The following GRIK2 variants were observed in gnomAD, a reference collection of about 807,000 sequenced individuals.
GRIK2 encodes the protein glutamate receptor ionotropic, kainate 2.
Under a neutral mutation model 100.3 loss-of-function variants are expected in GRIK2, and 32 were observed. That is an observed-to-expected ratio of 0.32 (90% CI 0.24 to 0.43). The LOEUF is 0.43. GRIK2 is among the 20% of genes least tolerant of loss of function. The pLI is 1.00. For missense variants in GRIK2, 843 were observed against 1,114.9 expected (o/e 0.76, Z 3.47); for synonymous variants, 417 against 389.4 (o/e 1.07, Z -0.83).
intron 7 of GRIK2, among the ~76,000 whole-genome samples, chr6:101,788,673 A>G (rs970626705): frequency 3.8e-4 from 58 of 152,242 alleles, no homozygotes; most frequent in Admixed American, 9.8e-4. Flanking sequence ...ATAAACATAC[A>G]TGTGCATGTG....
intron 7 of GRIK2, among the ~76,000 whole-genome samples, chr6:101,766,297 A>G (rs1044411615): frequency 1.3e-5 from 2 of 152,094 alleles, no homozygotes; most frequent in African/African-American, 4.8e-5. Context: ...AAAGTGAAGT[A>G]GCTATATTAT....
intron 4 of GRIK2, among the ~76,000 whole-genome samples, chr6:101,639,054 T>TTG (rs1249959771): frequency 2.0e-5 from 3 of 151,854 alleles, no homozygotes; most frequent in African/African-American, 7.3e-5. Flanking sequence ...GTTTTTCTTG[T>TTG]TGTTAAGAGG....
At chr6:101,430,058 C>G (rs1245399110) in intron 2 of GRIK2, among the ~76,000 whole-genome samples, 1 of 152,166 alleles carries the variant, frequency 6.6e-6, no homozygotes, top group African/African-American at 2.4e-5. Flanking sequence ...ACACTGAGCT[C>G]TGACACATTA....
intron 14 of GRIK2, among the ~76,000 whole-genome samples, chr6:101,955,136 TA>T (rs1164357569): frequency 6.6e-6 from 1 of 152,204 alleles, no homozygotes; most frequent in African/African-American, 2.4e-5. Context: ...TCTATATTCA[TA>T]AGATATATTG....
intron 7 of GRIK2, among the ~76,000 whole-genome samples, chr6:101,687,787 TG>T (rs928514957): frequency 2.6e-5 from 4 of 151,798 alleles, no homozygotes; most frequent in African/African-American, 9.7e-5. Flanking sequence ...AAGAGATAGT[TG>T]AACAGTTCTA....
intron 7 of GRIK2, among the ~76,000 whole-genome samples, chr6:101,703,265 A>G (rs1049876851): frequency 2.6e-5 from 4 of 151,888 alleles, no homozygotes; most frequent in Admixed American, 1.3e-4. Flanking sequence ...AGGAGTGCCA[A>G]AGAGTGATCT....
chr6:101,569,181 T>C (rs745651048), intron 2 of GRIK2, among the ~76,000 whole-genome samples: 18 of 152,174 alleles, frequency 1.2e-4, no homozygotes, highest in Non-Finnish European at 2.4e-4. Flanking sequence ...ACATGAACTT[T>C]AGCCTCCCAG....
At chr6:101,668,124 T>C (rs1444776814) in intron 4 of GRIK2, among the ~76,000 whole-genome samples, 2 of 152,204 alleles carry the variant, frequency 1.3e-5, no homozygotes, top group Non-Finnish European at 2.9e-5. Context: ...CCAAGGAGAC[T>C]AGCCCTCCAA....
At chr6:101,512,381 G>T (rs1774366981) in intron 2 of GRIK2, among the ~76,000 whole-genome samples, 1 of 151,970 alleles carries the variant, frequency 6.6e-6, no homozygotes, top group South Asian at 2.1e-4. Flanking sequence ...TGATTCTATA[G>T]TTTGATTTAT....
At chr6:101,709,731 G>A (rs897931092) in intron 7 of GRIK2, among the ~76,000 whole-genome samples, 2 of 151,748 alleles carry the variant, frequency 1.3e-5, no homozygotes, top group Non-Finnish European at 1.5e-5. Flanking sequence ...GGCTTTGCGC[G>A]GGGTAGGTAT....
chr6:101,943,039 G>A (rs1488217536), intron 14 of GRIK2, among the ~76,000 whole-genome samples: 1 of 152,146 alleles, frequency 6.6e-6, no homozygotes, highest in African/African-American at 2.4e-5. Flanking sequence ...ATGGATTCAT[G>A]GGCCAGGTCC....
chr6:101,739,821 T>C (rs1320538434), intron 7 of GRIK2, among the ~76,000 whole-genome samples: 1 of 152,126 alleles, frequency 6.6e-6, no homozygotes, highest in Non-Finnish European at 1.5e-5. Flanking sequence ...ATGTGTCATG[T>C]TTCACTGCAA....
At chr6:101,943,371 C>G (rs1791074745) in intron 14 of GRIK2, among the ~76,000 whole-genome samples, 1 of 152,212 alleles carries the variant, frequency 6.6e-6, no homozygotes, top group Admixed American at 6.5e-5. Context: ...AGCCCCCACA[C>G]AGAGTCTCCA....
chr6:101,896,879 T>A (rs574266304), intron 12 of GRIK2, among the ~76,000 whole-genome samples: 1 of 151,646 alleles, frequency 6.6e-6, no homozygotes, highest in Non-Finnish European at 1.5e-5. Flanking sequence ...TGGGGTGATA[T>A]GAAGAAACTC....
chr6:101,643,600 C>A (rs1359983607), intron 4 of GRIK2, among the ~76,000 whole-genome samples: 1 of 151,460 alleles, frequency 6.6e-6, no homozygotes, highest in African/African-American at 2.4e-5. Context: ...ATATGTCTGC[C>A]TTTGTGCCAG....
At chr6:101,604,190 C>A (rs1005233657) in intron 2 of GRIK2, among the ~76,000 whole-genome samples, 1 of 151,350 alleles carries the variant, frequency 6.6e-6, no homozygotes, top group Non-Finnish European at 1.5e-5. Context: ...CAGATTGAAC[C>A]CTTTGTTTCT....
intron 4 of GRIK2, among the ~76,000 whole-genome samples, chr6:101,664,206 T>G (rs1387726921): frequency 6.6e-6 from 1 of 152,170 alleles, no homozygotes; most frequent in Non-Finnish European, 1.5e-5. Context: ...TTCACTAAAC[T>G]GTCCAACTTT....
chr6:101,874,722 T>C (rs181617895), intron 11 of GRIK2, among the ~76,000 whole-genome samples: 2 of 122,974 alleles, frequency 1.6e-5, no homozygotes, highest in Admixed American at 8.2e-5. Flanking sequence ...ATTCTTCCTA[T>C]CCATGAGCAT....
intron 5 of GRIK2, among the ~76,000 whole-genome samples, chr6:101,679,361 A>G (rs2128341136): frequency 6.6e-6 from 1 of 152,326 alleles, no homozygotes; most frequent in South Asian, 2.1e-4. Context: ...TTAATTCATC[A>G]TATAGCATAG....
Sources: gnomAD v4.1 joint callset for allele counts (sites outside exome capture counted in the v4.1 genomes callset) on GRCh38, gnomAD v4.1.1 for gene constraint, MANE v1.5 for transcripts, NCBI Gene and HGNC (gene_info 2026-07-23, HGNC 2026-07-21) for gene names.